ZNF561: variants seen among roughly 807,000 people sequenced by gnomAD.
The protein encoded by ZNF561 is zinc finger protein 561.
Under a neutral mutation model 16.7 loss-of-function variants are expected in ZNF561, and 16 were observed. The ratio of observed to expected loss-of-function variants is 0.96; its 90% CI spans 0.65 to 1.45. The LOEUF (loss-of-function observed/expected upper bound fraction) is 1.45, where lower values mean the gene tolerates loss of function less well. Ranked by LOEUF, ZNF561 falls within the 40% of genes most tolerant of loss-of-function variation. The pLI is 0.00. For missense variants in ZNF561, 580 were observed against 578.0 expected, an observed-to-expected ratio of 1.00 and a Z score of -0.04; for synonymous variants, 190 against 192.1, an observed-to-expected ratio of 0.99 and a Z score of 0.09.
Position 9,614,114 on chromosome 19 carries a change from G to C in ZNF561, c.242-11C>G, listed in dbSNP as rs199840646. On this transcript the variant is annotated splice_polypyrimidine_tract_variant and intron_variant, in intron 4 of 5. Coordinates refer to ENST00000302851, the MANE Select transcript of ZNF561 (RefSeq NM_152289.3). ...GTTGTATTTCCCATTCTAAAGTTAA[G>C]CAGAAAAAGAAACGTAAGGATTTAG... 11 of 1,613,230 alleles carry C rather than the reference G, an allele frequency of 6.8e-6. No homozygotes were observed. The highest frequency in any genetic ancestry group is 9.3e-6 in the Non-Finnish European group (11 of 1,179,640).
rs1358388645 is a variant in ZNF561, at chr19:9,617,051, A to T, written c.235T>A (p.Ser79Thr). The T allele has an allele frequency of 9.3e-6, 15 of 1,609,570 alleles. No homozygotes were observed. Among genetic ancestry groups the T allele is most frequent in the Admixed American group, 1.7e-5 (1 of 59,850 alleles). ...ATAGTGATGTTACTCTTACCCACAG[A>T]GGCCAGGTTCATGTAGTTCTCCAGC... ...VMLENYMNLASVEWEIQPRTK... is the reference protein window; with the variant it reads ...VMLENYMNLATVEWEIQPRTK... Residue 79 changes from serine (S) to threonine (T), a missense_variant, in exon 4 of 6, where the codon TCT becomes ACT. Coordinates refer to ENST00000302851, the MANE Select transcript of ZNF561 (RefSeq NM_152289.3).
In ZNF561 at chr19:9,610,185, A is replaced by C; in HGVS notation, c.*15T>G. ...TTGGTGTCATTGCCAATAATTAAAG[A>C]TGGCAACCGATGGGCTAAATGGTAA... is the stretch of plus-strand genomic sequence containing the variant. On this transcript the variant is annotated 3_prime_UTR_variant, in exon 6 of 6. Transcript: ENST00000302851. 2 of 1,539,722 alleles carry C rather than the reference A, an allele frequency of 1.3e-6. No individual in the cohort carries two copies. The highest frequency in any genetic ancestry group is 1.7e-6 in the Non-Finnish European group (2 of 1,144,204).
intron 1 of ZNF561, chr19:9,620,898 G>A (rs1370456240): frequency 1.3e-5 from 2 of 152,314 alleles, no homozygotes; most frequent in South Asian, 2.1e-4. Context: ...AAAAGTAGCC[G>A]GGCGTGGTGG....
intron 5 of ZNF561, among the ~76,000 whole-genome samples, chr19:9,612,513 C>T (rs1481525671): frequency 1.3e-5 from 2 of 152,090 alleles, no homozygotes; most frequent in Non-Finnish European, 2.9e-5. Context: ...CCACCACACC[C>T]AGCCTCAATT....
chr19:9,613,439 T>G (rs1466701266), intron 5 of ZNF561, among the ~76,000 whole-genome samples: 1 of 152,146 alleles, frequency 6.6e-6, no homozygotes, highest in Non-Finnish European at 1.5e-5. Flanking sequence ...TTCATTACAT[T>G]GGCCAGGCTG....
chr19:9,618,871 C>A (rs2074607460), intron 2 of ZNF561, among the ~76,000 whole-genome samples: 1 of 152,166 alleles, frequency 6.6e-6, no homozygotes, highest in Non-Finnish European at 1.5e-5. Context: ...AATCCCAATA[C>A]TTTGGGAGGC....
At position 9,608,769 on chromosome 19, in the gene ZNF561, G is replaced by A. The variant is rs942134109; in HGVS notation, c.*1431C>T. ...TGGCAGAACTGTATTCTAGCACTTT[G>A]CGGAAGGTAGAGCTTGAGAGAGATA... On this transcript the variant is annotated 3_prime_UTR_variant, in exon 6 of 6. Coordinates refer to ENST00000302851, the MANE Select transcript of ZNF561 (RefSeq NM_152289.3). The A allele has an allele frequency of 6.6e-6, 1 of 152,204 alleles. No homozygotes were observed. The highest frequency in any genetic ancestry group is 1.5e-5 in the Non-Finnish European group (1 of 68,038). 9.4% of individuals were successfully genotyped at this position (152,204 alleles called of 1,614,324 possible).
intron 4 of ZNF561, among the ~76,000 whole-genome samples, chr19:9,616,507 C>T (rs1199770807): frequency 1.3e-5 from 2 of 152,002 alleles, no homozygotes; most frequent in Non-Finnish European, 2.9e-5. Context: ...TCTCAAATTC[C>T]TGACCGCATG....
intron 2 of ZNF561, among the ~76,000 whole-genome samples, chr19:9,618,786 G>C (rs2074605613): frequency 6.6e-6 from 1 of 151,512 alleles, no homozygotes; most frequent in Admixed American, 6.6e-5. Context: ...AGCTTATGTA[G>C]CATTTCCTAA....
At position 9,609,472 on chromosome 19, in the gene ZNF561, CA is replaced by C. The variant is rs1384926569; in HGVS notation, c.*727del. 6.6e-6 allele frequency: 1 copy of C among 152,138 alleles called. No homozygotes were observed. The highest frequency in any genetic ancestry group is 1.5e-5 in the Non-Finnish European group (1 of 68,034). 9.4% of individuals were successfully genotyped at this position (152,138 alleles called of 1,614,324 possible). On this transcript the variant is annotated 3_prime_UTR_variant, in exon 6 of 6. Coordinates refer to ENST00000302851, the MANE Select transcript of ZNF561 (RefSeq NM_152289.3). ...GAAAATTCTCAGCCTATCCATAATG[CA>C]AAAATTAGAAAACTTGTACTGAAGA...
chr19:9,607,782 T>A lies in ZNF561; in HGVS notation c.*2418A>T, dbSNP rs897508195. ...TTGTCTATGTGGAAACGGAAAAGAA[T>A]CATATTAAGTACTTTGGACTGAATG... On this transcript the variant is annotated 3_prime_UTR_variant, in exon 6 of 6. Transcript: ENST00000302851. The A allele has an allele frequency of 6.6e-6, 1 of 152,210 alleles. No homozygotes were observed. The highest frequency in any genetic ancestry group is 2.4e-5 in the African/African-American group (1 of 41,458). The allele number at this position is 152,210 out of a possible 1,614,324, so 9.4% of individuals were successfully genotyped here.
In ZNF561 at chr19:9,617,057, G is replaced by A; in HGVS notation, c.229C>T (p.Leu77=). ...ATGTTACTCTTACCCACAGAGGCCA[G>A]GTTCATGTAGTTCTCCAGCATCACA... ...RDVMLENYMN[L]ASVEWEIQPR... Residue 77 remains leucine, a synonymous_variant, in exon 4 of 6, where the codon CTG becomes TTG. Transcript: ENST00000302851. The A allele has an allele frequency of 6.2e-7, 1 of 1,612,028 alleles. No homozygotes were observed. The highest frequency in any genetic ancestry group is 8.5e-7 in the Non-Finnish European group (1 of 1,178,640).
intron 4 of ZNF561, 190 bp from the exon 5 acceptor site, chr19:9,614,293 G>C: frequency 1.7e-6 from 1 of 592,854 alleles, no homozygotes; most frequent in South Asian, 2.1e-5. Flanking sequence ...TGTTTAGATA[G>C]TTTATTACAA....
At position 9,617,393 on chromosome 19, in the gene ZNF561, C is replaced by A. The variant is rs993898110; in HGVS notation, c.115-222G>T. On this transcript the variant is annotated intron_variant, in intron 3 of 5. Transcript: ENST00000302851. The stretch of plus-strand genomic sequence containing the variant: ...AGCACTTTTTAAAATTTTTTTAAAT[C>A]TTTTTTTGCTGATCTATTTTTAATT... The A allele has an allele frequency of 2.9e-6, 3 of 1,029,046 alleles. No homozygotes were observed. In the South Asian group the frequency reaches 1.4e-4, roughly 47 times the overall value. 63.7% of individuals were successfully genotyped at this position (1,029,046 alleles called of 1,614,324 possible). A position where few individuals can be genotyped will look rare whatever the true frequency, so the allele number is the denominator to read the frequency against.
At chr19:9,618,688 T>C (rs2074603496) in intron 2 of ZNF561, among the ~76,000 whole-genome samples, 1 of 151,532 alleles carries the variant, frequency 6.6e-6, no homozygotes. Context: ...ATCGTGCCAC[T>C]GCACTCTAGC....
Position 9,611,459 on chromosome 19 carries a change from TC to T in ZNF561, c.325-124del. On this transcript the variant is annotated intron_variant, in intron 5 of 5. Coordinates refer to ENST00000302851, the MANE Select transcript of ZNF561 (RefSeq NM_152289.3). ...TACTTTTTAATATTTAATTTTTTTT[TC>T]TTTTTGAGAGAAAGTCTTGTTCTAT... 4 of 1,100,698 alleles carry T rather than the reference TC, an allele frequency of 3.6e-6. No individual in the cohort carries two copies. In the South Asian group the frequency reaches 8.9e-5, roughly 24 times the overall value. 68.2% of individuals were successfully genotyped at this position (1,100,698 alleles called of 1,614,324 possible).
At chr19:9,619,052 C>T (rs1326691525) in intron 2 of ZNF561, 3 of 154,212 alleles carry the variant, frequency 1.9e-5, no homozygotes, top group African/African-American at 7.2e-5. Flanking sequence ...GCACTCCAGC[C>T]TGGGAGACAG....
In ZNF561 at chr19:9,608,938, A is replaced by G. The variant is rs2074397474; in HGVS notation, c.*1262T>C. On this transcript the variant is annotated 3_prime_UTR_variant, in exon 6 of 6. Transcript: ENST00000302851. The stretch of plus-strand genomic sequence containing the variant: ...AAACAGGCCATGAGAAACTGCCCAT[A>G]AACAAAATCTCTGCGGCACTGTGAC... 1 of 152,136 alleles carries G rather than the reference A, an allele frequency of 6.6e-6. No individual in the cohort carries two copies. Among genetic ancestry groups the G allele is most frequent in the African/African-American group, 2.4e-5 (1 of 41,430 alleles). 9.4% of individuals were successfully genotyped at this position (152,136 alleles called of 1,614,324 possible). A position where few individuals can be genotyped will look rare whatever the true frequency, so the allele number is the denominator to read the frequency against.
intron 5 of ZNF561, among the ~76,000 whole-genome samples, chr19:9,612,455 T>C (rs2074478274): frequency 6.6e-6 from 1 of 152,126 alleles, no homozygotes; most frequent in Non-Finnish European, 1.5e-5. Flanking sequence ...GCTGACCTCA[T>C]GATCTGCCTG....
Sources: gnomAD v4.1 joint callset for allele counts (sites outside exome capture counted in the v4.1 genomes callset) on GRCh38, gnomAD v4.1.1 for gene constraint, MANE v1.5 for transcripts, NCBI Gene and HGNC (gene_info 2026-07-23, HGNC 2026-07-21) for gene names.